DENND6B: variants seen among roughly 807,000 people sequenced by gnomAD.
The protein encoded by DENND6B is DENN domain containing 6B.
In DENND6B, 73 loss-of-function variants were observed where a neutral mutation model predicts 85.1. That is an observed-to-expected ratio of 0.86 (90% CI 0.71 to 1.04). DENND6B has a LOEUF of 1.04. Among genes scored for constraint, DENND6B ranks in the 50% least tolerant of loss-of-function variants. DENND6B has a pLI of 0.00. For synonymous variants in DENND6B, 357 were observed against 329.3 expected (o/e 1.08, Z -0.91); for missense variants, 715 against 785.8 (o/e 0.91, Z 1.08).
At chr22:50,322,168 G>A (rs544503032) in intron 1 of DENND6B, among the ~76,000 whole-genome samples, 160 of 149,284 alleles carry the variant, frequency 1.1e-3, no homozygotes, top group African/African-American at 3.5e-3. Context: ...TCCGCCTCCC[G>A]GGTTCACGAC....
rs1324215006 is a variant in DENND6B at position 50,314,446 on chromosome 22, G to A, written c.1026C>T (p.Leu342=). ...CTCGGAGGATGTGGGGCCAGTGCTG[G>A]AGTGTTTTGATAAAGAAAGGGTTTG... ...GVTNPFFIKT[L]QHWPHILRVG... The change falls in exon 12 of 20, where the codon CTC becomes CTT. Residue 342 remains leucine, a synonymous_variant. Transcript: ENST00000413817. The A allele has an allele frequency of 1.3e-6, 2 of 1,565,184 alleles. No individual in the cohort carries two copies. The highest frequency in any genetic ancestry group is 8.7e-7 in the Non-Finnish European group (1 of 1,154,060).
At chr22:50,317,122 C>T (rs1429306323) in intron 5 of DENND6B, 171 bp downstream of exon 5, 39 of 470,536 alleles carry the variant, frequency 8.3e-5, no homozygotes, top group Non-Finnish European at 1.3e-4. Flanking sequence ...TGGGGGGCGG[C>T]GAGGACAGGG....
chr22:50,318,386 T>C (rs1318034546), intron 3 of DENND6B, among the ~76,000 whole-genome samples: 2 of 152,166 alleles, frequency 1.3e-5, no homozygotes, highest in African/African-American at 4.8e-5. Flanking sequence ...AAGGGGTCTG[T>C]GTTTCCCAAT....
chr22:50,324,877 T>C (rs2042149499), intron 1 of DENND6B, among the ~76,000 whole-genome samples: 1 of 152,234 alleles, frequency 6.6e-6, no homozygotes, highest in South Asian at 2.1e-4. Flanking sequence ...TTCCTTCCTC[T>C]GAGCTGCATG....
intron 1 of DENND6B, among the ~76,000 whole-genome samples, chr22:50,324,353 G>A (rs1569210445): frequency 6.6e-6 from 1 of 152,220 alleles, no homozygotes; most frequent in East Asian, 1.9e-4. Flanking sequence ...AAGGGCAAGA[G>A]CCTTGTCTAC....
Position 50,317,255 on chromosome 22 carries a change from CTCT to C in DENND6B, c.453+35_453+37del, listed in dbSNP as rs932891433. On this transcript the variant is annotated intron_variant, in intron 5 of 19. Transcript: ENST00000413817. ...TCCTGCTGCCTGCCAGCTCCTGCCG[CTCT>C]TGAGGTGCCAGCCCAGAGTGGCCAA... 4 of 1,609,746 alleles carry C rather than the reference CTCT, an allele frequency of 2.5e-6. No individual in the cohort carries two copies. The African/African-American group carries it at 5.3e-5, about 22-fold the overall frequency.
intron 15 of DENND6B, 24 bp from the exon 16 acceptor site, chr22:50,313,523 G>A: frequency 1.3e-6 from 2 of 1,539,948 alleles, no homozygotes; most frequent in South Asian, 2.4e-5. Context: ...GGAGGGGAGT[G>A]AGCCCGGGGA....
intron 1 of DENND6B, among the ~76,000 whole-genome samples, chr22:50,325,862 A>C (rs2042175141): frequency 6.6e-6 from 1 of 152,196 alleles, no homozygotes; most frequent in Non-Finnish European, 1.5e-5. Flanking sequence ...TATGCTTCTC[A>C]TGGCCTCTTG....
chr22:50,326,290 A>T (rs1413098298), intron 1 of DENND6B, among the ~76,000 whole-genome samples: 1 of 152,210 alleles, frequency 6.6e-6, no homozygotes, highest in Non-Finnish European at 1.5e-5. Context: ...TGCTAGGTGA[A>T]CAAGGAGGCG....
At position 50,309,933 on chromosome 22, in the gene DENND6B, T is replaced by C. The variant is rs375431885; in HGVS notation, c.*2206A>G. ...TGCGCTCCCCAAAGTGGGGTCACAGTTGTGAGAGAGGTGGGTTGTCTTCCC... is the reference window on the plus strand; with the variant it reads ...TGCGCTCCCCAAAGTGGGGTCACAGCTGTGAGAGAGGTGGGTTGTCTTCCC... On this transcript the variant is annotated 3_prime_UTR_variant, in exon 20 of 20. Coordinates refer to ENST00000413817, the MANE Select transcript of DENND6B (RefSeq NM_001001794.4). 19 of 152,400 alleles carry C rather than the reference T, an allele frequency of 1.2e-4. No individual in the cohort carries two copies. In the East Asian group the frequency reaches 3.7e-3, roughly 29 times the overall value. The allele number at this position is 152,400 out of a possible 1,614,324, so 9.4% of individuals were successfully genotyped here.
Position 50,309,890 on chromosome 22 carries a change from C to T in DENND6B, c.*2249G>A, listed in dbSNP as rs1178067694. The T allele has an allele frequency of 2.0e-5, 3 of 152,308 alleles. No homozygotes were observed. Among genetic ancestry groups the T allele is most frequent in the African/African-American group, 7.2e-5 (3 of 41,478 alleles). The allele number at this position is 152,308 out of a possible 1,614,324, so 9.4% of individuals were successfully genotyped here. On this transcript the variant is annotated 3_prime_UTR_variant, in exon 20 of 20. Transcript: ENST00000413817. ...AGACTGTGCTGTGGGGAAGCACATG[C>T]TGCCACGGTCCTTGGGGTGCGCTCC...
chr22:50,325,376 C>T (rs999197088), intron 1 of DENND6B, among the ~76,000 whole-genome samples: 3 of 132,208 alleles, frequency 2.3e-5, no homozygotes, highest in Non-Finnish European at 3.1e-5. Context: ...CTCACTTTGT[C>T]GCCCAAGCTG....
chr22:50,320,608 C>G (rs908297427), intron 1 of DENND6B, among the ~76,000 whole-genome samples: 3 of 152,184 alleles, frequency 2.0e-5, no homozygotes, highest in South Asian at 2.1e-4. Flanking sequence ...GCTAAACAGG[C>G]ACCAAGGAGT....
chr22:50,314,673 G>A lies in DENND6B; in HGVS notation c.909C>T (p.Cys303=), dbSNP rs368415264. The A allele has an allele frequency of 3.8e-5, 60 of 1,566,194 alleles. No homozygotes were observed. The highest frequency in any genetic ancestry group is 7.1e-5 in the East Asian group (3 of 42,096). ...TSCLQPLRFC[C]DFRPYFTIHD... ...GGATGGTGAAGTAGGGACGGAAGTC[G>A]CAGCAGAACCTGAGGGGCTGCAGGC... is the stretch of plus-strand genomic sequence containing the variant. The change falls in exon 11 of 20, where the codon TGC becomes TGT. Residue 303 remains cysteine, a synonymous_variant. Transcript: ENST00000413817.
At chr22:50,313,570 C>A in intron 15 of DENND6B, 65 bp downstream of exon 15, 5 of 1,231,170 alleles carry the variant, frequency 4.1e-6, no homozygotes, top group Non-Finnish European at 5.5e-6. Flanking sequence ...CAGCCCCGTC[C>A]CCCCCAACCC....
intron 1 of DENND6B, among the ~76,000 whole-genome samples, chr22:50,322,852 A>AT (rs374958143): frequency 0.35 from 49,689 of 140,656 alleles, 8,526 homozygotes; most frequent in South Asian, 0.54. Context: ...GCCCAGCCTT[A>AT]TTTTTTTTTT....
chr22:50,312,016 A>G lies in DENND6B; in HGVS notation c.*123T>C. 1 of 1,421,682 alleles carries G rather than the reference A, an allele frequency of 7.0e-7. No homozygotes were observed. The highest frequency in any genetic ancestry group is 9.4e-7 in the Non-Finnish European group (1 of 1,068,272). The allele number at this position is 1,421,682 out of a possible 1,614,324, so 88.1% of individuals were successfully genotyped here. A position where few individuals can be genotyped will look rare whatever the true frequency, so the allele number is the denominator to read the frequency against. ...GAGACAATGGTGGTGCAGGAAGGGGAGCCTGCAGTCTGGGCGGGGGGCCAA... is the reference window on the plus strand; with the variant it reads ...GAGACAATGGTGGTGCAGGAAGGGGGGCCTGCAGTCTGGGCGGGGGGCCAA... On this transcript the variant is annotated 3_prime_UTR_variant, in exon 20 of 20. Transcript: ENST00000413817.
At chr22:50,316,298 C>T (rs1299936726) in intron 6 of DENND6B, 45 bp from the exon 7 acceptor site, 1 of 1,566,706 alleles carries the variant, frequency 6.4e-7, no homozygotes, top group Non-Finnish European at 8.6e-7. Flanking sequence ...CAAGGAGAAG[C>T]TGCTGCCGAG....
chr22:50,318,260 T>C (rs1003003674), intron 3 of DENND6B, among the ~76,000 whole-genome samples: 4 of 152,112 alleles, frequency 2.6e-5, no homozygotes, highest in Middle Eastern at 3.2e-3. Context: ...GGAGAATCAC[T>C]TGAACTTAGG....
Sources: allele counts gnomAD v4.1 joint callset (sites outside exome capture counted in the v4.1 genomes callset), GRCh38; gene constraint gnomAD v4.1.1; transcripts MANE v1.5; gene names NCBI Gene and HGNC (gene_info 2026-07-23, HGNC 2026-07-21).